The following GSE1 variants were observed in gnomAD, a reference collection of about 807,000 sequenced individuals.
GSE1 encodes Gse1 coiled-coil protein.
In GSE1, 32 loss-of-function variants were observed where a neutral mutation model predicts 112.6. The observed-to-expected ratio is 0.28, with a 90% confidence interval of 0.21 to 0.38. GSE1 has a LOEUF of 0.38. Ranked by LOEUF, GSE1 falls within the 10% of genes least tolerant of loss-of-function variation. The pLI, the probability that GSE1 is intolerant of heterozygous loss-of-function variation, is 1.00. For missense variants in GSE1, 2,348 were observed against 1,699.2 expected (o/e 1.38, Z -6.71); for synonymous variants, 1,115 against 735.6 (o/e 1.52, Z -8.35).
At chr16:85,421,623 G>T (rs2048847207) in intron 2 of GSE1, among the ~76,000 whole-genome samples, 1 of 152,208 alleles carries the variant, frequency 6.6e-6, no homozygotes, top group South Asian at 2.1e-4. Context: ...CTGCTCATTT[G>T]CAGGCCCGAG....
At chr16:85,374,742 G>A (rs2047382021) in intron 2 of GSE1, among the ~76,000 whole-genome samples, 2 of 152,152 alleles carry the variant, frequency 1.3e-5, no homozygotes, top group South Asian at 2.1e-4. Context: ...TTTGGTGAGG[G>A]CTGTGGAGGA....
chr16:85,358,075 T>A (rs1052017825), intron 2 of GSE1, among the ~76,000 whole-genome samples: 1 of 152,096 alleles, frequency 6.6e-6, no homozygotes, highest in Non-Finnish European at 1.5e-5. Context: ...GGAACCAGGC[T>A]GCTCTGTGCG....
intron 2 of GSE1, among the ~76,000 whole-genome samples, chr16:85,468,312 C>CTTTTTTTTT (rs55873035): frequency 1.7e-5 from 2 of 116,730 alleles, no homozygotes; most frequent in African/African-American, 3.4e-5. Flanking sequence ...CCCTTCTTTC[C>CTTTTTTTTT]TTTTTTTTTT....
At chr16:85,403,066 C>G (rs2048154524) in intron 2 of GSE1, among the ~76,000 whole-genome samples, 1 of 142,150 alleles carries the variant, frequency 7.0e-6, no homozygotes, top group Non-Finnish European at 1.5e-5. Context: ...GAAGGATCTA[C>G]TCCCAAGCCC....
intron 1 of GSE1, chr16:85,171,925 C>A: frequency 2.1e-6 from 1 of 484,542 alleles, no homozygotes; most frequent in South Asian, 8.8e-5. Flanking sequence ...TGGTTCTGTG[C>A]GGGGTGTTCC....
chr16:85,201,064 T>G (rs886548857), intron 1 of GSE1, among the ~76,000 whole-genome samples: 14 of 151,942 alleles, frequency 9.2e-5, no homozygotes, highest in African/African-American at 3.4e-4. Flanking sequence ...CTGAAAACCC[T>G]TGGGACTAGA....
chr16:85,322,014 C>T (rs925612801), intron 1 of GSE1, among the ~76,000 whole-genome samples: 2 of 152,216 alleles, frequency 1.3e-5, no homozygotes, highest in Admixed American at 6.5e-5. Context: ...CGCGGCTCCT[C>T]CCTGCCTGGG....
intron 1 of GSE1, among the ~76,000 whole-genome samples, chr16:85,298,187 A>G (rs1424912914): frequency 6.6e-6 from 1 of 152,160 alleles, no homozygotes; most frequent in African/African-American, 2.4e-5. Flanking sequence ...TGTATTTCTG[A>G]TGAGCTCCCT....
chr16:85,431,303 C>T (rs762541236), intron 2 of GSE1, among the ~76,000 whole-genome samples: 4 of 152,240 alleles, frequency 2.6e-5, no homozygotes, highest in South Asian at 2.1e-4. Flanking sequence ...TACGGGAGCT[C>T]GCTCAGGCCC....
intron 3 of GSE1, 75 bp downstream of exon 3, chr16:85,648,826 G>A (rs1261154619): frequency 2.4e-6 from 2 of 843,910 alleles, no homozygotes; most frequent in African/African-American, 1.7e-5. Flanking sequence ...TGGGGGCTCT[G>A]GAGCTTTCGA....
chr16:85,349,710 G>A (rs1206267782), intron 1 of GSE1, among the ~76,000 whole-genome samples: 1 of 152,172 alleles, frequency 6.6e-6, no homozygotes, highest in African/African-American at 2.4e-5. Context: ...AGGCGACGCC[G>A]TGTTCTTTTG....
chr16:85,550,772 G>T (rs1598146863), intron 2 of GSE1, among the ~76,000 whole-genome samples: 2 of 152,222 alleles, frequency 1.3e-5, no homozygotes, highest in East Asian at 3.9e-4. Context: ...GGCAAAGACA[G>T]CCCCGCTAGA....
chr16:85,303,266 C>T (rs2045575324), intron 1 of GSE1, among the ~76,000 whole-genome samples: 1 of 152,220 alleles, frequency 6.6e-6, no homozygotes, highest in Non-Finnish European at 1.5e-5. Context: ...GGTTGGGTTC[C>T]TATCTGGGGC....
chr16:85,287,468 T>G (rs1283675915), intron 1 of GSE1, among the ~76,000 whole-genome samples: 1 of 152,174 alleles, frequency 6.6e-6, no homozygotes, highest in Non-Finnish European at 1.5e-5. Flanking sequence ...CTTCATCTCC[T>G]CCACGCACCC....
intron 1 of GSE1, among the ~76,000 whole-genome samples, chr16:85,580,943 C>G (rs2046422725): frequency 6.6e-6 from 1 of 152,242 alleles, no homozygotes; most frequent in South Asian, 2.1e-4. Flanking sequence ...TGTGTTTAAG[C>G]CACGAAGTCT....
chr16:85,404,019 T>G (rs60731485), intron 2 of GSE1, among the ~76,000 whole-genome samples: 2 of 151,428 alleles, frequency 1.3e-5, no homozygotes, highest in Admixed American at 1.3e-4. Context: ...GTGCCGTCCT[T>G]ACGGGGCCTT....
chr16:85,319,007 T>G (rs954644418), intron 1 of GSE1, among the ~76,000 whole-genome samples: 1 of 152,224 alleles, frequency 6.6e-6, no homozygotes, highest in Admixed American at 6.5e-5. Context: ...ACCTGGTGTC[T>G]GGTGTCCTTT....
intron 2 of GSE1, among the ~76,000 whole-genome samples, chr16:85,380,341 G>A (rs2047518174): frequency 6.6e-6 from 1 of 152,176 alleles, no homozygotes; most frequent in African/African-American, 2.4e-5. Context: ...CAAGAGGGGA[G>A]GAGGTGGCAC....
chr16:85,192,510 C>T (rs538816209), intron 1 of GSE1, among the ~76,000 whole-genome samples: 1 of 152,292 alleles, frequency 6.6e-6, no homozygotes, highest in Admixed American at 6.5e-5. Flanking sequence ...TGCTGGGTGC[C>T]CAGGTTGTTT....
Sources: allele counts gnomAD v4.1 joint callset (sites outside exome capture counted in the v4.1 genomes callset), GRCh38; gene constraint gnomAD v4.1.1; transcripts MANE v1.5; gene names NCBI Gene and HGNC (gene_info 2026-07-23, HGNC 2026-07-21).